SCN7A: variants seen among roughly 807,000 people sequenced by gnomAD.
SCN7A encodes the protein sodium voltage-gated channel alpha subunit 7.
SCN7A carries 138 observed loss-of-function variants against 155.2 expected under a neutral mutation model. The observed-to-expected ratio is 0.89, with a 90% confidence interval of 0.77 to 1.02. SCN7A has a LOEUF of 1.02. Among genes scored for constraint, SCN7A ranks in the 50% least tolerant of loss-of-function variants. SCN7A has a pLI of 0.00. For missense variants in SCN7A, 2,058 were observed against 1,986.6 expected (o/e 1.04, Z -0.68); for synonymous variants, 693 against 649.0 (o/e 1.07, Z -1.03).
At chr2:166,419,970 T>G (rs746361051) in intron 20 of SCN7A, among the ~76,000 whole-genome samples, 1 of 152,142 alleles carries the variant, frequency 6.6e-6, no homozygotes, top group Non-Finnish European at 1.5e-5. Flanking sequence ...AGATCAGGCC[T>G]AAGTACTATT....
At chr2:166,450,891 G>A (rs1276135639) in intron 11 of SCN7A, among the ~76,000 whole-genome samples, 2 of 152,134 alleles carry the variant, frequency 1.3e-5, no homozygotes, top group Non-Finnish European at 1.5e-5. Context: ...TACATAAAAT[G>A]TAAGTTGTAA....
At chr2:166,427,253 GTGAA>G (rs1217684967) in intron 18 of SCN7A, among the ~76,000 whole-genome samples, 6 of 152,128 alleles carry the variant, frequency 3.9e-5, no homozygotes, top group Non-Finnish European at 7.4e-5. Flanking sequence ...ACATTCTTCA[GTGAA>G]TTACCTTGTA....
At chr2:166,466,581 T>C (rs535451379) in intron 7 of SCN7A, among the ~76,000 whole-genome samples, 4 of 152,212 alleles carry the variant, frequency 2.6e-5, no homozygotes, top group Admixed American at 2.6e-4. Flanking sequence ...CTTCTGAAAG[T>C]AGAAAACAAG....
chr2:166,451,577 A>T (rs531610761), intron 11 of SCN7A, among the ~76,000 whole-genome samples: 3 of 152,268 alleles, frequency 2.0e-5, no homozygotes, highest in African/African-American at 7.2e-5. Flanking sequence ...CATTTACCTG[A>T]ATATCTGACA....
At chr2:166,453,052 ATTAT>A (rs1025979070) in intron 11 of SCN7A, among the ~76,000 whole-genome samples, 3 of 152,258 alleles carry the variant, frequency 2.0e-5, no homozygotes, top group South Asian at 2.1e-4. Context: ...TTAACGAGTG[ATTAT>A]TTATGAACTT....
chr2:166,406,025 G>C lies in SCN7A; in HGVS notation c.4604C>G (p.Ser1535Cys), dbSNP rs752678953. 1.9e-5 allele frequency: 30 copies of C among 1,612,964 alleles called. No homozygotes were observed. Among genetic ancestry groups the C allele is most frequent in the Non-Finnish European group, 2.5e-5 (30 of 1,179,390 alleles). Residue 1535 changes from serine (S) to cysteine (C), a missense_variant, in exon 26 of 26, where the codon TCT becomes TGT. Ser to Cys is a moderately radical substitution (Grantham distance 112). Transcript: ENST00000643258. ...FDPDRTQYID[S>C]SKLSDFAAAL... ...AGCTGCAAAATCTGAAAGCTTGCTA[G>C]AGTCTATGTACTGGGTCCTATCAGG...
intron 11 of SCN7A, among the ~76,000 whole-genome samples, chr2:166,450,334 C>T (rs1045314998): frequency 2.0e-5 from 3 of 152,020 alleles, no homozygotes; most frequent in African/African-American, 2.4e-5. Flanking sequence ...GGAAGGCTTG[C>T]GGGTGGGCAA....
intron 1 of SCN7A, among the ~76,000 whole-genome samples, chr2:166,487,952 A>G (rs949663013): frequency 1.3e-5 from 2 of 152,336 alleles, no homozygotes; most frequent in African/African-American, 2.4e-5. Context: ...GGACAACGTA[A>G]CATGTCTATT....
intron 18 of SCN7A, among the ~76,000 whole-genome samples, chr2:166,425,954 T>TG (rs76028971): frequency 0.085 from 12,985 of 152,096 alleles, 718 homozygotes; most frequent in East Asian, 0.22. Context: ...TGTGTTGACA[T>TG]GGGGGTCACA....
intron 21 of SCN7A, among the ~76,000 whole-genome samples, chr2:166,414,031 TA>T (rs554162220): frequency 0.077 from 6,541 of 84,486 alleles, 661 homozygotes; most frequent in Middle Eastern, 0.12. Flanking sequence ...TAAATATATA[TA>T]AATATATTTA....
At chr2:166,444,531 A>G (rs1028357926) in intron 13 of SCN7A, among the ~76,000 whole-genome samples, 1 of 152,224 alleles carries the variant, frequency 6.6e-6, no homozygotes, top group Non-Finnish European at 1.5e-5. Flanking sequence ...GGAATCCCAA[A>G]TTTAAACTGG....
chr2:166,433,061 C>T (rs1287540092), intron 15 of SCN7A, among the ~76,000 whole-genome samples: 1 of 152,094 alleles, frequency 6.6e-6, no homozygotes, highest in Non-Finnish European at 1.5e-5. Context: ...TGAAAGAACA[C>T]TTAACCCATT....
At chr2:166,446,256 A>G (rs1359819435) in intron 12 of SCN7A, among the ~76,000 whole-genome samples, 4 of 152,190 alleles carry the variant, frequency 2.6e-5, no homozygotes, top group Admixed American at 2.6e-4. Flanking sequence ...GTGGCCAACA[A>G]ACATTTGAAA....
intron 11 of SCN7A, among the ~76,000 whole-genome samples, chr2:166,453,164 A>C (rs1203494747): frequency 6.6e-6 from 1 of 152,164 alleles, no homozygotes; most frequent in African/African-American, 2.4e-5. Context: ...TTGGAGACTG[A>C]ACCTCAGTTT....
At chr2:166,439,051 G>GTATATATATATA (rs1200483058) in intron 15 of SCN7A, among the ~76,000 whole-genome samples, 2 of 67,470 alleles carry the variant, frequency 3.0e-5, no homozygotes, top group African/African-American at 1.7e-4. Flanking sequence ...ATGTGTGTGT[G>GTATATATATATA]TGTGTATATA....
intron 21 of SCN7A, 109 bp downstream of exon 21, chr2:166,416,597 TA>T: frequency 4.0e-6 from 4 of 998,608 alleles, no homozygotes; most frequent in Non-Finnish European, 5.8e-6. Flanking sequence ...TACTAATTGC[TA>T]AAATATTTTA....
chr2:166,452,094 G>A (rs1211953139), intron 11 of SCN7A, among the ~76,000 whole-genome samples: 1 of 151,940 alleles, frequency 6.6e-6, no homozygotes, highest in African/African-American at 2.4e-5. Context: ...CAGTTGATTT[G>A]TTCTAATCAA....
intron 18 of SCN7A, 112 bp downstream of exon 18, chr2:166,427,676 T>A: frequency 1.1e-6 from 1 of 886,284 alleles, no homozygotes; most frequent in Non-Finnish European, 1.6e-6. Context: ...TGCTATTTGG[T>A]GCTATACTAA....
intron 2 of SCN7A, among the ~76,000 whole-genome samples, chr2:166,478,658 T>C (rs1702854063): frequency 1.3e-5 from 2 of 151,970 alleles, no homozygotes; most frequent in South Asian, 4.1e-4. Flanking sequence ...TTTCTCTCTG[T>C]CATCAATCCT....
Sources: gnomAD v4.1 joint callset for allele counts (sites outside exome capture counted in the v4.1 genomes callset) on GRCh38, gnomAD v4.1.1 for gene constraint, MANE v1.5 for transcripts, NCBI Gene and HGNC (gene_info 2026-07-23, HGNC 2026-07-21) for gene names.